Variants in CEP290 observed in about 807,000 individuals in gnomAD.
The protein encoded by CEP290 is centrosomal protein 290, also known as centrosomal protein of 290 kDa.
Under a neutral mutation model 344.9 loss-of-function variants are expected in CEP290, and 317 were observed. The ratio of observed to expected loss-of-function variants is 0.92; its 90% CI spans 0.84 to 1.01. The LOEUF (loss-of-function observed/expected upper bound fraction) is 1.01. CEP290 is among the 50% of genes least tolerant of loss of function. CEP290 has a pLI of 0.00. For synonymous variants in CEP290, 932 were observed against 895.8 expected, an observed-to-expected ratio of 1.04 and a Z score of -0.72; for missense variants, 2,754 against 2,761.4, an observed-to-expected ratio of 1.00 and a Z score of 0.06.
intron 18 of CEP290, chr12:88,115,544 C>G (rs1209261116): frequency 1.5e-6 from 2 of 1,292,182 alleles, no homozygotes; most frequent in East Asian, 5.5e-5. Flanking sequence ...CTTCTTTGAT[C>G]AAGAATTCCT....
chr12:88,139,842 T>A lies in CEP290; in HGVS notation c.181-278A>T, dbSNP rs1370679839. ...CTCCTGGGCTCAAGCAATCTTCCCA[T>A]CTCAGTCTCCTGAGTAGCTGGGACT... On this transcript the variant is annotated intron_variant, in intron 3 of 53. Transcript: ENST00000552810. Among the ~76,000 whole-genome samples, 4 of 152,126 alleles carry A rather than the reference T, an allele frequency of 2.6e-5. No homozygotes were observed. In the East Asian group the frequency reaches 7.7e-4, roughly 29 times the overall value.
At chr12:88,082,784 A>G (rs1034359821) in intron 37 of CEP290, among the ~76,000 whole-genome samples, 1 of 152,240 alleles carries the variant, frequency 6.6e-6, no homozygotes, top group African/African-American at 2.4e-5. Context: ...CTTTTGAGTC[A>G]GACTGACTAG....
intron 51 of CEP290, 81 bp from the exon 52 acceptor site, chr12:88,053,827 G>T (rs2033771275): frequency 1.5e-6 from 1 of 683,352 alleles, no homozygotes; most frequent in Non-Finnish European, 2.5e-6. Flanking sequence ...ATGAACTAGT[G>T]ATGTACAGTA....
intron 14 of CEP290, 94 bp downstream of exon 14, chr12:88,120,903 G>T: frequency 1.0e-6 from 1 of 986,148 alleles, no homozygotes; most frequent in Non-Finnish European, 1.5e-6. Context: ...CTTATGGAAT[G>T]TTTTTTAAAT....
At chr12:88,127,461 C>G (rs2039803658) in intron 11 of CEP290, among the ~76,000 whole-genome samples, 1 of 152,018 alleles carries the variant, frequency 6.6e-6, no homozygotes, top group African/African-American at 2.4e-5. Flanking sequence ...GCACTCCAGC[C>G]TAAGCAACTG....
Position 88,055,575 on chromosome 12 carries a change from C to T in CEP290, c.6960+1G>A. On this transcript the variant is annotated splice_donor_variant, in intron 50 of 53. Transcript: ENST00000552810. LOFTEE classifies it high-confidence loss of function. ...ATGTAAAGAAAAATTACGTTACTTACCTGTTGTTCAAGGTCTTCATTGTAT... is the reference window on the plus strand; with the variant it reads ...ATGTAAAGAAAAATTACGTTACTTATCTGTTGTTCAAGGTCTTCATTGTAT... 1.9e-6 allele frequency: 3 copies of T among 1,565,972 alleles called. No individual in the cohort carries two copies. The South Asian group carries it at 3.7e-5, about 19-fold the overall frequency.
At position 88,071,883 on chromosome 12, in the gene CEP290, C is replaced by T. The variant is rs371737956; in HGVS notation, c.5753G>A (p.Trp1918Ter). Reference sequence around the variant, plus strand: ...TCGAATTCCTTCTATTTTGGCTTGCCACTTTTTACCTTCTTCCCACCTAAT... The same window carrying T: ...TCGAATTCCTTCTATTTTGGCTTGCTACTTTTTACCTTCTTCCCACCTAAT... ...ELIRWEEGKK[W>*]QAKIEGIRNK... is the part of the protein sequence containing the mutation. Residue 1918 changes from tryptophan (W) to a stop codon, truncating the protein, a stop_gained, in exon 42 of 54, where the codon TGG (tryptophan) becomes TAG (stop). Transcript: ENST00000552810. LOFTEE classifies it high-confidence loss of function. 6.2e-7 allele frequency: 1 copy of T among 1,600,576 alleles called. No homozygotes were observed. The highest frequency in any genetic ancestry group is 8.5e-7 in the Non-Finnish European group (1 of 1,174,544).
chr12:88,070,593 C>A (rs1462119046), intron 43 of CEP290, among the ~76,000 whole-genome samples: 1 of 152,044 alleles, frequency 6.6e-6, no homozygotes, highest in Non-Finnish European at 1.5e-5. Context: ...AGGGAAATCT[C>A]CAATTGGTAG....
intron 38 of CEP290, 40 bp downstream of exon 38, chr12:88,080,142 T>A: frequency 7.5e-7 from 1 of 1,327,032 alleles, no homozygotes; most frequent in East Asian, 2.4e-5. Context: ...ATCTACCACA[T>A]ATTTTTCCTA....
intron 41 of CEP290, 131 bp from the exon 42 acceptor site, chr12:88,072,057 T>C: frequency 1.2e-6 from 1 of 867,194 alleles, no homozygotes; most frequent in Non-Finnish European, 1.6e-6. Context: ...ATATGTTCAT[T>C]TTGCTATACA....
At position 88,083,146 on chromosome 12, in the gene CEP290, G is replaced by T; in HGVS notation, c.4897C>A (p.Gln1633Lys). ...AAGAGTGAGGAAAGAGAGTCATCTT[G>T]TTCTGCTACTGTCTGTTCCATCTCA... Reference protein sequence around the residue: ...LAEMEQTVAEQDDSLSSLLVK... With the variant: ...LAEMEQTVAEKDDSLSSLLVK... The change falls in exon 37 of 54, where the codon CAA becomes AAA. Residue 1633 changes from glutamine to lysine, a missense_variant. Transcript: ENST00000552810. The T allele has an allele frequency of 6.4e-7, 1 of 1,555,838 alleles. No individual in the cohort carries two copies. Among genetic ancestry groups the T allele is most frequent in the African/African-American group, 1.4e-5 (1 of 73,206 alleles).
intron 47 of CEP290, 90 bp from the exon 48 acceptor site, chr12:88,060,110 GT>G: frequency 8.8e-7 from 1 of 1,139,144 alleles, no homozygotes; most frequent in Non-Finnish European, 1.2e-6. Context: ...CTTCAAAGTA[GT>G]TTTAGAAACC....
rs1191374264 is a variant in CEP290, at chr12:88,129,684, T to C, written c.852+10A>G. ...CTGAATAAATAAGTTATTCTAAAAG[T>C]AATTCTTACTTGAAGTTGATAATGA... On this transcript the variant is annotated intron_variant, in intron 10 of 53. Coordinates refer to ENST00000552810, the MANE Select transcript of CEP290 (RefSeq NM_025114.4). The C allele has an allele frequency of 2.2e-6, 3 of 1,342,222 alleles. No individual in the cohort carries two copies. The highest frequency in any genetic ancestry group is 2.0e-6 in the Non-Finnish European group (2 of 984,270). The allele number at this position is 1,342,222 out of a possible 1,614,324, so 83.1% of individuals were successfully genotyped here. A position where few individuals can be genotyped will look rare whatever the true frequency, so the allele number is the denominator to read the frequency against.
chr12:88,060,838 T>A lies in CEP290; in HGVS notation c.6514A>T (p.Lys2172Ter). 3 of 1,522,692 alleles carry A rather than the reference T, an allele frequency of 2.0e-6. No homozygotes were observed. Among genetic ancestry groups the A allele is most frequent in the Non-Finnish European group, 8.8e-7 (1 of 1,139,082 alleles). The allele number at this position is 1,522,692 out of a possible 1,614,324, so 94.3% of individuals were successfully genotyped here. The change falls in exon 47 of 54, where the codon AAA (lysine) becomes TAA (stop). Residue 2172 changes from lysine to a stop codon, truncating the protein, a stop_gained. Transcript: ENST00000552810. LOFTEE classifies it high-confidence loss of function. ...ACATTAAAAAAAATTACCTTCAATT[T>A]TTCATTTTCCTGCTCAATATTAGCC... is the stretch of plus-strand genomic sequence containing the variant. ...KMANIEQENE[K>*]LKAELEKLKA...
chr12:88,102,940 T>C lies in CEP290; in HGVS notation c.2889A>G (p.Glu963=), dbSNP rs1437851977. 6.2e-7 allele frequency: 1 copy of C among 1,600,768 alleles called. No homozygotes were observed. Among genetic ancestry groups the C allele is most frequent in the South Asian group, 1.1e-5 (1 of 87,126 alleles). The part of the protein sequence containing the change: ...VDNSVSLSEL[E]LANKQYNELT... ...GTTCATTGTACTGTTTATTAGCCAG[T>C]TCTAGTTCAGACAAAGAAACACTAT... Residue 963 remains glutamate (E), a synonymous_variant, in exon 26 of 54, where the codon GAA becomes GAG. Transcript: ENST00000552810.
In CEP290 at chr12:88,126,353, A is replaced by G. The variant is rs1429640081; in HGVS notation, c.1028T>C (p.Leu343Pro). 8.0e-6 allele frequency: 12 copies of G among 1,501,920 alleles called. No individual in the cohort carries two copies. Among genetic ancestry groups the G allele is most frequent in the Non-Finnish European group, 1.1e-5 (12 of 1,129,956 alleles). 93.0% of individuals were successfully genotyped at this position (1,501,920 alleles called of 1,614,324 possible). A position where few individuals can be genotyped will look rare whatever the true frequency, so the allele number is the denominator to read the frequency against. ...NLREKLKNAQ[L>P]DADKSNVMAL... ...CATAACATTACTTTTATCAGCATCA[A>G]GCTGAGCATTCTTAAGTTTCTCCCT... Residue 343 changes from leucine to proline, a missense_variant, in exon 12 of 54, where the codon CTT (leucine) becomes CCT (proline). Coordinates refer to ENST00000552810, the MANE Select transcript of CEP290 (RefSeq NM_025114.4).
At position 88,111,288 on chromosome 12, in the gene CEP290, TA is replaced by T; in HGVS notation, c.2280del (p.Phe760LeufsTer10). ...LRQSEGSNVV[F>X]KGIDLPDGIA... The stretch of plus-strand genomic sequence containing the variant: ...ATCCCATCAGGTAAGTCAATTCCTT[TA>T]AAAACAACATTTGATCCTTCTGATT... On this transcript the variant is annotated frameshift_variant, in exon 22 of 54. Coordinates refer to ENST00000552810, the MANE Select transcript of CEP290 (RefSeq NM_025114.4). LOFTEE classifies it high-confidence loss of function. 6.4e-7 allele frequency: 1 copy of T among 1,558,806 alleles called. No homozygotes were observed. The highest frequency in any genetic ancestry group is 8.7e-7 in the Non-Finnish European group (1 of 1,151,016).
In CEP290 at chr12:88,125,358, T is replaced by C; in HGVS notation, c.1077A>G (p.Glu359=). Residue 359 remains glutamate (E), a synonymous_variant, in exon 13 of 54, where the codon GAA becomes GAG. Transcript: ENST00000552810. The stretch of plus-strand genomic sequence containing the variant: ...TGAGCATCTTAATTTGACTGTCTCG[T>C]TCCTGTATACCCTATAAAATATTTT... ...NVMALQQGIQ[E]RDSQIKMLTE... 1 of 1,312,550 alleles carries C rather than the reference T, an allele frequency of 7.6e-7. No individual in the cohort carries two copies. Among genetic ancestry groups the C allele is most frequent in the Non-Finnish European group, 9.9e-7 (1 of 1,005,268 alleles). 81.3% of individuals were successfully genotyped at this position (1,312,550 alleles called of 1,614,324 possible). A position where few individuals can be genotyped will look rare whatever the true frequency, so the allele number is the denominator to read the frequency against.
Position 88,092,790 on chromosome 12 carries a change from A to C in CEP290, c.3352T>G (p.Leu1118Val), listed in dbSNP as rs1323441443. ...NLDAQKVEQM[L>V]RDELADSVSK... ...ACACTATCAGCTAATTCATCTCTTA[A>C]CATCTGTTCCACCTTCTGTGCATCC... Residue 1118 changes from leucine (L) to valine (V), a missense_variant, in exon 29 of 54, where the codon TTA (leucine) becomes GTA (valine). Transcript: ENST00000552810. 1.2e-6 allele frequency: 2 copies of C among 1,610,888 alleles called. No homozygotes were observed. Among genetic ancestry groups the C allele is most frequent in the African/African-American group, 2.7e-5 (2 of 74,782 alleles).
Sources: allele counts gnomAD v4.1 joint callset (sites outside exome capture counted in the v4.1 genomes callset), GRCh38; gene constraint gnomAD v4.1.1; transcripts MANE v1.5; gene names NCBI Gene and HGNC (gene_info 2026-07-23, HGNC 2026-07-21).